The following SORL1 variants were observed in gnomAD, a reference collection of about 807,000 sequenced individuals.
SORL1 encodes sortilin related receptor 1, also known as sortilin-related receptor.
SORL1 carries 127 observed loss-of-function variants against 273.7 expected under a neutral mutation model. That is an observed-to-expected ratio of 0.46 (90% CI 0.40 to 0.54). The LOEUF (loss-of-function observed/expected upper bound fraction) is 0.54, where lower values mean the gene tolerates loss of function less well. Ranked by LOEUF, SORL1 falls within the 20% of genes least tolerant of loss-of-function variation. SORL1 has a pLI of 0.00. For synonymous variants in SORL1, 1,031 were observed against 1,067.4 expected (o/e 0.97, Z 0.66); for missense variants, 2,494 against 2,846.1 (o/e 0.88, Z 2.81).
intron 26 of SORL1, 152 bp from the exon 27 acceptor site, chr11:121,586,070 G>T (rs1190460150): frequency 1.6e-6 from 1 of 615,574 alleles, no homozygotes; most frequent in Admixed American, 2.5e-5. Context: ...AGAATTACTG[G>T]GTCAAAGTGT....
intron 22 of SORL1, among the ~76,000 whole-genome samples, chr11:121,567,403 G>T (rs532882972): frequency 6.6e-6 from 1 of 152,148 alleles, no homozygotes; most frequent in South Asian, 2.1e-4. Flanking sequence ...CTTTCTTCAG[G>T]GTCTCCCTTT....
At chr11:121,493,125 T>C (rs1861580298) in intron 5 of SORL1, among the ~76,000 whole-genome samples, 1 of 152,080 alleles carries the variant, frequency 6.6e-6, no homozygotes, top group African/African-American at 2.4e-5. Context: ...ACTACAGGCA[T>C]GTGCAGCCAT....
intron 12 of SORL1, among the ~76,000 whole-genome samples, chr11:121,541,207 T>TA (rs1862343119): frequency 2.2e-5 from 3 of 134,048 alleles, no homozygotes; most frequent in Non-Finnish European, 5.2e-5. Flanking sequence ...CAGTATCTTT[T>TA]TTTTTTTTTT....
chr11:121,560,068 C>G (rs1173676387), intron 21 of SORL1, among the ~76,000 whole-genome samples: 4 of 152,254 alleles, frequency 2.6e-5, no homozygotes, highest in Admixed American at 2.6e-4. Context: ...CTCTGGTTGC[C>G]CAGATGACCT....
intron 6 of SORL1, among the ~76,000 whole-genome samples, chr11:121,505,189 A>G (rs1196263967): frequency 6.6e-6 from 1 of 152,044 alleles, no homozygotes; most frequent in Non-Finnish European, 1.5e-5. Flanking sequence ...AGCAGTTTGT[A>G]TCTTTCTAGT....
Position 121,583,489 on chromosome 11 carries a change from C to T in SORL1, c.3612C>T (p.Phe1204=), listed in dbSNP as rs771272924. The T allele has an allele frequency of 8.1e-6, 13 of 1,613,070 alleles. No individual in the cohort carries two copies. In the South Asian group the frequency reaches 1.3e-4, roughly 16 times the overall value. ...ATCACACCTGTGAGGCCTCCAACTT[C>T]CAGTGCCGAAACGGGCACTGCATCC... ...AIYHTCEASN[F]QCRNGHCIPQ... is the part of the protein sequence containing the mutation. The change falls in exon 26 of 48, where the codon TTC becomes TTT. Residue 1204 remains phenylalanine (F), a synonymous_variant. Transcript: ENST00000260197.
intron 45 of SORL1, among the ~76,000 whole-genome samples, chr11:121,622,718 G>A (rs774223106): frequency 3.9e-5 from 6 of 152,248 alleles, no homozygotes; most frequent in Non-Finnish European, 8.8e-5. Flanking sequence ...GGAGCAGGAG[G>A]CACTTGAAGA....
chr11:121,601,046 C>A (rs1203390350), intron 32 of SORL1, among the ~76,000 whole-genome samples: 2 of 117,060 alleles, frequency 1.7e-5, no homozygotes, highest in Non-Finnish European at 3.4e-5. Flanking sequence ...TCCCTCCCCC[C>A]TCCCCCCACC....
intron 1 of SORL1, among the ~76,000 whole-genome samples, chr11:121,461,169 C>T (rs1237246478): frequency 3.6e-5 from 5 of 138,544 alleles, no homozygotes; most frequent in Admixed American, 7.3e-5. Flanking sequence ...GAAATTCTCT[C>T]ACTGAGTGGT....
chr11:121,579,654 CA>C (rs1457260810), intron 25 of SORL1, among the ~76,000 whole-genome samples: 2 of 152,216 alleles, frequency 1.3e-5, no homozygotes, highest in African/African-American at 4.8e-5. Flanking sequence ...TCTCTGCCTA[CA>C]GTTCCAGTAC....
At chr11:121,566,507 C>G (rs1024410651) in intron 21 of SORL1, among the ~76,000 whole-genome samples, 5 of 152,168 alleles carry the variant, frequency 3.3e-5, no homozygotes, top group African/African-American at 1.2e-4. Flanking sequence ...GCCTGGCCTC[C>G]TTAAGTCTCT....
Position 121,496,860 on chromosome 11 carries a change from TTC to T in SORL1, c.759-7_759-6del. 6.4e-7 allele frequency: 1 copy of T among 1,574,304 alleles called. No individual in the cohort carries two copies. Among genetic ancestry groups the T allele is most frequent in the African/African-American group, 1.4e-5 (1 of 72,506 alleles). Reference sequence around the variant, plus strand: ...AAATGATAACAACCTTTTTTTTTTTTTCTGCCAGGGGAATTGATCCCTATGAC... The same window carrying T: ...AAATGATAACAACCTTTTTTTTTTTTTGCCAGGGGAATTGATCCCTATGAC... On this transcript the variant is annotated splice_polypyrimidine_tract_variant and splice_region_variant and intron_variant, in intron 5 of 47. Transcript: ENST00000260197.
intron 6 of SORL1, among the ~76,000 whole-genome samples, chr11:121,508,304 G>A (rs1276307581): frequency 6.6e-6 from 1 of 152,146 alleles, no homozygotes; most frequent in Non-Finnish European, 1.5e-5. Flanking sequence ...ACCTTGTAGA[G>A]TCCCAGGAAT....
Position 121,627,384 on chromosome 11 carries a change from T to C in SORL1, c.6365-171T>C. The C allele has an allele frequency of 1.6e-6, 1 of 621,888 alleles. No homozygotes were observed. Among genetic ancestry groups the C allele is most frequent in the South Asian group, 1.9e-5 (1 of 53,190 alleles). The allele number at this position is 621,888 out of a possible 1,614,324, so 38.5% of individuals were successfully genotyped here. A position where few individuals can be genotyped will look rare whatever the true frequency, so the allele number is the denominator to read the frequency against. On this transcript the variant is annotated intron_variant, in intron 46 of 47. Transcript: ENST00000260197. The surrounding 1 kb of genome is among the most constrained non-coding windows in gnomAD (Gnocchi z 4.9). ...TGGTCTATCAGCTCATGGCAAGTAG[T>C]GGGGAAGCAATCAGGCATCACGCAC... is the stretch of plus-strand genomic sequence containing the variant.
intron 6 of SORL1, among the ~76,000 whole-genome samples, chr11:121,506,438 G>C (rs181909669): frequency 2.9e-3 from 438 of 152,254 alleles, no homozygotes; most frequent in African/African-American, 1.0e-2. Flanking sequence ...GTCTTACATG[G>C]ATGGCAGCAG....
intron 47 of SORL1, chr11:121,628,791 A>G (rs949247092): frequency 2.0e-5 from 3 of 152,232 alleles, no homozygotes; most frequent in African/African-American, 7.2e-5. Context: ...ACAATTATAT[A>G]TCTATGTTTA....
chr11:121,543,871 A>G, intron 13 of SORL1, 145 bp downstream of exon 13: 2 of 675,086 alleles, frequency 3.0e-6, no homozygotes, highest in South Asian at 2.3e-5. Flanking sequence ...CAAAAAGCAT[A>G]GGGAGGTAAT....
intron 21 of SORL1, among the ~76,000 whole-genome samples, chr11:121,564,876 AAT>A (rs1442178123): frequency 6.6e-6 from 1 of 152,198 alleles, no homozygotes; most frequent in Non-Finnish European, 1.5e-5. Context: ...CCCAGCCGGT[AAT>A]AGAGTATTTT....
chr11:121,505,286 A>G (rs1021950371), intron 6 of SORL1, among the ~76,000 whole-genome samples: 21 of 151,986 alleles, frequency 1.4e-4, no homozygotes, highest in African/African-American at 4.8e-4. Flanking sequence ...GAGGTTGTTA[A>G]TGATGTTTCT....
Sources: gnomAD v4.1 joint callset for allele counts (sites outside exome capture counted in the v4.1 genomes callset) on GRCh38, gnomAD v4.1.1 for gene constraint, Gnocchi (gnomAD v3.1) non-coding constraint, MANE v1.5 for transcripts, NCBI Gene and HGNC (gene_info 2026-07-23, HGNC 2026-07-21) for gene names.